Variants in LRFN5 observed in about 807,000 individuals in gnomAD.
LRFN5 encodes leucine-rich repeat and fibronectin type-III domain-containing protein 5.
A neutral mutation model predicts 45.6 loss-of-function variants in LRFN5; 24 were observed. The ratio of observed to expected loss-of-function variants is 0.53; its 90% CI spans 0.38 to 0.74. The LOEUF (loss-of-function observed/expected upper bound fraction) is 0.74, where lower values mean the gene tolerates loss of function less well. Among genes scored for constraint, LRFN5 ranks in the 30% least tolerant of loss-of-function variants. LRFN5 has a pLI of 0.00. For synonymous variants in LRFN5, 340 were observed against 313.8 expected, an observed-to-expected ratio of 1.08 and a Z score of -0.88; for missense variants, 776 against 861.5, an observed-to-expected ratio of 0.90 and a Z score of 1.24.
intron 2 of LRFN5, among the ~76,000 whole-genome samples, chr14:41,816,662 C>T (rs940104971): frequency 2.0e-5 from 3 of 152,010 alleles, no homozygotes; most frequent in Non-Finnish European, 4.4e-5. Flanking sequence ...CTTTCCTCTT[C>T]TAGAGGTAAG....
chr14:41,834,508 C>T (rs980877395), intron 2 of LRFN5, among the ~76,000 whole-genome samples: 13 of 152,144 alleles, frequency 8.5e-5, no homozygotes, highest in Non-Finnish European at 1.5e-5. Context: ...CTGCTGTATG[C>T]TAATTACATA....
At chr14:41,746,223 A>G (rs7143983) in intron 1 of LRFN5, among the ~76,000 whole-genome samples, 89,693 of 151,706 alleles carry the variant, frequency 0.59, 27,248 homozygotes, top group East Asian at 0.94. Flanking sequence ...TCACTGTAAT[A>G]TACCACATAA....
chr14:41,814,237 T>C (rs1887840687), intron 2 of LRFN5, among the ~76,000 whole-genome samples: 1 of 152,190 alleles, frequency 6.6e-6, no homozygotes, highest in South Asian at 2.1e-4. Flanking sequence ...TCTTTGCTTA[T>C]GCCTATGTCC....
intron 1 of LRFN5, among the ~76,000 whole-genome samples, chr14:41,675,848 C>T (rs540195401): frequency 6.6e-6 from 1 of 152,246 alleles, no homozygotes; most frequent in South Asian, 2.1e-4. Context: ...AAATGATAAT[C>T]ACCTAAAGCC....
intron 1 of LRFN5, among the ~76,000 whole-genome samples, chr14:41,752,385 T>C (rs1885173600): frequency 6.6e-6 from 1 of 152,186 alleles, no homozygotes; most frequent in South Asian, 2.1e-4. Flanking sequence ...CCACCAACAG[T>C]GTAAAAGTGT....
chr14:41,621,247 G>A (rs925525142), intron 1 of LRFN5, among the ~76,000 whole-genome samples: 1 of 152,028 alleles, frequency 6.6e-6, no homozygotes, highest in African/African-American at 2.4e-5. Flanking sequence ...GTGAAATACA[G>A]TCTATATTGG....
chr14:41,837,089 T>A (rs994167436), intron 2 of LRFN5, among the ~76,000 whole-genome samples: 2 of 149,234 alleles, frequency 1.3e-5, no homozygotes, highest in Non-Finnish European at 3.0e-5. Context: ...CTCTAGAGAA[T>A]TGGAAGGTGA....
chr14:41,686,115 A>G (rs1017310898), intron 1 of LRFN5, among the ~76,000 whole-genome samples: 1 of 151,896 alleles, frequency 6.6e-6, no homozygotes, highest in Non-Finnish European at 1.5e-5. Flanking sequence ...ATATTTTTGC[A>G]TTTGTTTGTG....
chr14:41,692,963 T>C (rs1309649844), intron 1 of LRFN5, among the ~76,000 whole-genome samples: 1 of 152,096 alleles, frequency 6.6e-6, no homozygotes. Context: ...TAGATATCCA[T>C]TGGAACCATC....
chr14:41,663,388 G>A (rs780321988), intron 1 of LRFN5, among the ~76,000 whole-genome samples: 1 of 151,958 alleles, frequency 6.6e-6, no homozygotes, highest in Non-Finnish European at 1.5e-5. Flanking sequence ...AGGACTTTGA[G>A]GTATAGAAAG....
chr14:41,876,444 C>CTTTTTT (rs71105408), intron 2 of LRFN5, among the ~76,000 whole-genome samples: 2 of 129,066 alleles, frequency 1.5e-5, no homozygotes, highest in Non-Finnish European at 1.6e-5. Context: ...CCATGCCTGG[C>CTTTTTT]TTTTTTTTTT....
intron 1 of LRFN5, among the ~76,000 whole-genome samples, chr14:41,708,065 A>G (rs1166454230): frequency 6.6e-6 from 1 of 152,090 alleles, no homozygotes; most frequent in Non-Finnish European, 1.5e-5. Context: ...CCAATTTTTG[A>G]TATTAAAACA....
intron 1 of LRFN5, among the ~76,000 whole-genome samples, chr14:41,740,631 A>G (rs1176993698): frequency 1.3e-5 from 2 of 151,956 alleles, no homozygotes; most frequent in Non-Finnish European, 1.5e-5. Flanking sequence ...CTTTTCTTCT[A>G]AGATTAGGAA....
At position 41,695,681 on chromosome 14, in the gene LRFN5, T is replaced by C. The variant is rs114708640; in HGVS notation, c.-196-71173T>C. Among the ~76,000 whole-genome samples, 317 of 152,078 alleles carry C rather than the reference T, an allele frequency of 2.1e-3. 3 individuals are homozygous for C. Among genetic ancestry groups the C allele is most frequent in the African/African-American group, 7.3e-3 (303 of 41,548 alleles). On this transcript the variant is annotated intron_variant, in intron 1 of 5. Coordinates refer to ENST00000298119, the MANE Select transcript of LRFN5 (RefSeq NM_152447.5). ...ATATCACATTTGTTTAAGCATGGTTTACTGAATATTTTAAGCCCAATATTC... is the reference window on the plus strand; with the variant it reads ...ATATCACATTTGTTTAAGCATGGTTCACTGAATATTTTAAGCCCAATATTC...
chr14:41,888,468 C>T (rs1166485378), intron 3 of LRFN5, among the ~76,000 whole-genome samples: 4 of 152,018 alleles, frequency 2.6e-5, no homozygotes, highest in Non-Finnish European at 5.9e-5. Context: ...GGCAAATCTT[C>T]GTCTTTTGAG....
intron 2 of LRFN5, among the ~76,000 whole-genome samples, chr14:41,795,585 G>A (rs938253813): frequency 2.9e-4 from 44 of 152,026 alleles, no homozygotes; most frequent in East Asian, 1.4e-3. Flanking sequence ...ACCATGGAAT[G>A]CTATGCAGCC....
At chr14:41,690,615 A>G (rs2138704185) in intron 1 of LRFN5, among the ~76,000 whole-genome samples, 1 of 152,316 alleles carries the variant, frequency 6.6e-6, no homozygotes, top group African/African-American at 2.4e-5. Context: ...GACCTTCACC[A>G]AATAAATAAT....
intron 2 of LRFN5, among the ~76,000 whole-genome samples, chr14:41,836,860 T>C (rs925728514): frequency 2.0e-5 from 3 of 152,028 alleles, no homozygotes; most frequent in Non-Finnish European, 4.4e-5. Context: ...CTGTTCAGCC[T>C]GTGCTTTCCT....
At chr14:41,673,971 C>T (rs557343343) in intron 1 of LRFN5, among the ~76,000 whole-genome samples, 2,677 of 141,392 alleles carry the variant, frequency 0.019, 132 homozygotes, top group African/African-American at 0.068. Flanking sequence ...CCCTCCCGGA[C>T]GGGGTGGCTG....
Sources: gnomAD v4.1 joint callset for allele counts (sites outside exome capture counted in the v4.1 genomes callset) on GRCh38, gnomAD v4.1.1 for gene constraint, MANE v1.5 for transcripts, NCBI Gene and HGNC (gene_info 2026-07-23, HGNC 2026-07-21) for gene names.